Variants in DNAJB11 observed in about 807,000 individuals in gnomAD.
The protein encoded by DNAJB11 is dnaJ homolog subfamily B member 11.
Under a neutral mutation model 47.2 loss-of-function variants are expected in DNAJB11, and 30 were observed. The ratio of observed to expected loss-of-function variants is 0.64; its 90% CI spans 0.48 to 0.86. The LOEUF (loss-of-function observed/expected upper bound fraction) is 0.86. Among genes scored for constraint, DNAJB11 ranks in the 40% least tolerant of loss-of-function variants. The pLI, the probability that DNAJB11 is intolerant of heterozygous loss-of-function variation, is 0.00. For missense variants in DNAJB11, 357 were observed against 440.2 expected, an observed-to-expected ratio of 0.81 and a Z score of 1.69; for synonymous variants, 151 against 159.9, an observed-to-expected ratio of 0.94 and a Z score of 0.42.
intron 6 of DNAJB11, 64 bp downstream of exon 6, chr3:186,582,141 A>T (rs1419590941): frequency 1.7e-6 from 2 of 1,200,436 alleles, no homozygotes; most frequent in Non-Finnish European, 2.5e-6. Context: ...GTTTGTGAAT[A>T]CCTTTCACCC....
At chr3:186,582,652 G>A (rs371908021) in intron 6 of DNAJB11, 64 bp from the exon 7 acceptor site, 3 of 1,361,034 alleles carry the variant, frequency 2.2e-6, no homozygotes, top group Middle Eastern at 4.8e-4. Flanking sequence ...TGTATCAGTT[G>A]CCAAATAGAT....
In DNAJB11 at chr3:186,585,746, A is replaced by AT. The variant is rs1715666685; in HGVS notation, c.*339dup. 5.5e-5 allele frequency: 9 copies of AT among 164,550 alleles called. No homozygotes were observed. In the South Asian group the frequency reaches 1.6e-3, roughly 30 times the overall value. 10.2% of individuals were successfully genotyped at this position (164,550 alleles called of 1,614,324 possible). A position where few individuals can be genotyped will look rare whatever the true frequency, so the allele number is the denominator to read the frequency against. On this transcript the variant is annotated 3_prime_UTR_variant, in exon 10 of 10. Transcript: ENST00000265028. Reference sequence around the variant, plus strand: ...GGAGTTGTTAGCAATTTCATTCAAAATGCCAACTGGAGAAGTCTGTTTTTA... The same window carrying AT: ...GGAGTTGTTAGCAATTTCATTCAAAATTGCCAACTGGAGAAGTCTGTTTTTA...
chr3:186,585,280 T>C, intron 9 of DNAJB11, 64 bp from the exon 10 acceptor site: 2 of 1,350,074 alleles, frequency 1.5e-6, no homozygotes, highest in Non-Finnish European at 2.1e-6. Context: ...TGAAATATGC[T>C]CTTTAAACGC....
intron 4 of DNAJB11, chr3:186,579,226 T>C (rs1715401876): frequency 6.6e-6 from 1 of 152,262 alleles, no homozygotes; most frequent in Admixed American, 6.5e-5. Context: ...TTTACAATTC[T>C]ATCACTCCTA....
At chr3:186,571,062 G>A (rs1715031870) in intron 1 of DNAJB11, 97 bp downstream of exon 1, 2 of 1,117,170 alleles carry the variant, frequency 1.8e-6, no homozygotes, top group South Asian at 1.4e-5. Flanking sequence ...GACTGACGGA[G>A]TGGAGAGGGG....
intron 3 of DNAJB11, among the ~76,000 whole-genome samples, chr3:186,576,303 C>G (rs1715292392): frequency 6.6e-6 from 1 of 152,170 alleles, no homozygotes; most frequent in Non-Finnish European, 1.5e-5. Flanking sequence ...TGCTCCCATA[C>G]CCAGAGCTGC....
chr3:186,574,973 G>T (rs910039810), intron 2 of DNAJB11, among the ~76,000 whole-genome samples: 1 of 151,434 alleles, frequency 6.6e-6, no homozygotes, highest in Non-Finnish European at 1.5e-5. Flanking sequence ...AAAAGAGAAA[G>T]TTTTTTTTTG....
intron 3 of DNAJB11, 36 bp downstream of exon 3, chr3:186,575,973 T>C: frequency 1.4e-6 from 2 of 1,429,492 alleles, no homozygotes; most frequent in Non-Finnish European, 2.0e-6. Context: ...TGTTAGTGTC[T>C]GAGAGAGGGT....
intron 4 of DNAJB11, 21 bp from the exon 5 acceptor site, chr3:186,581,350 T>A (rs1370268261): frequency 1.2e-6 from 2 of 1,612,526 alleles, no homozygotes; most frequent in Non-Finnish European, 1.7e-6. Flanking sequence ...GAGAAGCTGA[T>A]GTTGTTTATG....
chr3:186,572,020 G>A (rs1203000688), intron 1 of DNAJB11, 75 bp from the exon 2 acceptor site: 35 of 1,339,024 alleles, frequency 2.6e-5, no homozygotes, highest in Non-Finnish European at 3.2e-5. Context: ...AAATGTAGAG[G>A]AAAAATAAAT....
chr3:186,584,512 A>G lies in DNAJB11; in HGVS notation c.935A>G (p.Asn312Ser), dbSNP rs772358902. The part of the protein sequence containing the change: ...KGEGLPNFDN[N>S]NIKGSLIITF... ...GAAGGGCTCCCCAACTTTGACAACA[A>G]CAATATCAAGGGCTCTTTGATAATC... is the stretch of plus-strand genomic sequence containing the variant. The change falls in exon 9 of 10, where the codon AAC becomes AGC. Residue 312 changes from asparagine to serine, a missense_variant. Physicochemically the swap from Asn to Ser is conservative, Grantham distance 46. Transcript: ENST00000265028. The G allele has an allele frequency of 6.2e-7, 1 of 1,603,178 alleles. No individual in the cohort carries two copies. Among genetic ancestry groups the G allele is most frequent in the African/African-American group, 1.4e-5 (1 of 73,936 alleles).
rs1394818264 is a variant in DNAJB11, at chr3:186,575,856, A to G, written c.242A>G (p.Glu81Gly). Residue 81 changes from glutamate (E) to glycine (G), a missense_variant, in exon 3 of 10, where the codon GAG (glutamate) becomes GGG (glycine). Coordinates refer to ENST00000265028, the MANE Select transcript of DNAJB11 (RefSeq NM_016306.6). ...GAAYEVLSDSEKRKQYDTYGE... is the reference protein window; with the variant it reads ...GAAYEVLSDSGKRKQYDTYGE... ...TATCCCCAGGTTCTGTCAGATAGTG[A>G]GAAACGGAAACAGTACGATACTTAT... 3.7e-6 allele frequency: 6 copies of G among 1,613,636 alleles called. 1 individual carries two copies. The highest frequency in any genetic ancestry group is 5.1e-6 in the Non-Finnish European group (6 of 1,179,768).
At chr3:186,571,082 G>T in intron 1 of DNAJB11, 117 bp downstream of exon 1, 1 of 954,780 alleles carries the variant, frequency 1.0e-6, no homozygotes, top group South Asian at 1.6e-5. Flanking sequence ...GCATCGCTGT[G>T]GGTTGGCGGG....
intron 8 of DNAJB11, 104 bp from the exon 9 acceptor site, chr3:186,584,326 G>T: frequency 8.7e-7 from 1 of 1,153,990 alleles, no homozygotes. Flanking sequence ...CTTTCTTTTT[G>T]CTGAGCTGTG....
intron 9 of DNAJB11, among the ~76,000 whole-genome samples, chr3:186,584,867 G>C (rs924199451): frequency 6.6e-6 from 1 of 152,164 alleles, no homozygotes; most frequent in Non-Finnish European, 1.5e-5. Flanking sequence ...TAAAACAAAT[G>C]AACTGGACCA....
chr3:186,572,311 A>T, intron 2 of DNAJB11, 60 bp downstream of exon 2: 1 of 1,442,154 alleles, frequency 6.9e-7, no homozygotes, highest in South Asian at 1.3e-5. Flanking sequence ...AAAACATACA[A>T]TACAGAGAAA....
chr3:186,578,801 CTT>C (rs1446041615), intron 4 of DNAJB11: 8 of 152,166 alleles, frequency 5.3e-5, no homozygotes, highest in Non-Finnish European at 1.2e-4. Context: ...TGTAACTTGT[CTT>C]TTCATTATGT....
chr3:186,583,940 C>G lies in DNAJB11; in HGVS notation c.816C>G (p.Gly272=). 6.2e-7 allele frequency: 1 copy of G among 1,613,628 alleles called. No individual in the cohort carries two copies. ...TCTCATTAGTTGAGTCACTGGTTGGCTTTGAGATGGATATTACTCACTTGG... is the reference window on the plus strand; with the variant it reads ...TCTCATTAGTTGAGTCACTGGTTGGGTTTGAGATGGATATTACTCACTTGG... The part of the protein sequence containing the change: ...VTISLVESLV[G]FEMDITHLDG... The change falls in exon 8 of 10, where the codon GGC becomes GGG. Residue 272 remains glycine, a synonymous_variant. Coordinates refer to ENST00000265028, the MANE Select transcript of DNAJB11 (RefSeq NM_016306.6).
chr3:186,576,579 G>T (rs1578988600), intron 3 of DNAJB11, among the ~76,000 whole-genome samples: 1 of 152,114 alleles, frequency 6.6e-6, no homozygotes, highest in Non-Finnish European at 1.5e-5. Context: ...GCATTTTTAT[G>T]GGGAGAGTTC....
Sources: gnomAD v4.1 joint callset for allele counts (sites outside exome capture counted in the v4.1 genomes callset) on GRCh38, gnomAD v4.1.1 for gene constraint, MANE v1.5 for transcripts, NCBI Gene and HGNC (gene_info 2026-07-23, HGNC 2026-07-21) for gene names.